The following F5 variants were observed in gnomAD, a reference collection of about 807,000 sequenced individuals.
F5 encodes coagulation factor V.
In F5, 138 loss-of-function variants were observed where a neutral mutation model predicts 216.4. The ratio of observed to expected loss-of-function variants is 0.64; its 90% CI spans 0.56 to 0.73. The LOEUF (loss-of-function observed/expected upper bound fraction) is 0.73, where lower values mean the gene tolerates loss of function less well. Among genes scored for constraint, F5 ranks in the 30% least tolerant of loss-of-function variants. The probability of loss-of-function intolerance (pLI) is 0.00; values close to 1 mark genes in which losing one functional copy is unlikely to be tolerated. For missense variants in F5, 2,403 were observed against 2,674.0 expected, an observed-to-expected ratio of 0.90 and a Z score of 2.24; for synonymous variants, 916 against 930.7, an observed-to-expected ratio of 0.98 and a Z score of 0.29.
chr1:169,585,486 TA>T (rs1447652946), intron 1 of F5, among the ~76,000 whole-genome samples: 1 of 152,230 alleles, frequency 6.6e-6, no homozygotes, highest in Non-Finnish European at 1.5e-5. Flanking sequence ...TGAGAAGTCT[TA>T]TTTTTAACAT....
chr1:169,556,052 A>T (rs1246031944), intron 6 of F5, among the ~76,000 whole-genome samples: 1 of 152,206 alleles, frequency 6.6e-6, no homozygotes, highest in African/African-American at 2.4e-5. Context: ...GTGTAGTAGA[A>T]CAATCAGTTA....
chr1:169,537,029 T>C (rs967382316), intron 13 of F5, among the ~76,000 whole-genome samples: 2 of 152,056 alleles, frequency 1.3e-5, no homozygotes, highest in Non-Finnish European at 2.9e-5. Context: ...ATATATAATT[T>C]ATTTGTGAGA....
At chr1:169,564,911 T>C (rs2236871) in intron 3 of F5, among the ~76,000 whole-genome samples, 36,632 of 151,988 alleles carry the variant, frequency 0.24, 5,326 homozygotes, top group South Asian at 0.36. Flanking sequence ...TGAGTAGGTA[T>C]ATCTAGATTT....
At chr1:169,530,031 CAAT>C (rs1209898263) in intron 15 of F5, among the ~76,000 whole-genome samples, 2 of 152,146 alleles carry the variant, frequency 1.3e-5, no homozygotes, top group East Asian at 3.9e-4. Flanking sequence ...ATCCCAGTAA[CAAT>C]GATGATAATA....
chr1:169,543,679 G>C (rs1270281404), intron 12 of F5, among the ~76,000 whole-genome samples: 1 of 152,218 alleles, frequency 6.6e-6, no homozygotes, highest in Admixed American at 6.5e-5. Context: ...GAACATCAAA[G>C]ATTTCTTGGT....
intron 4 of F5, among the ~76,000 whole-genome samples, chr1:169,559,987 T>G (rs1660431232): frequency 6.6e-6 from 1 of 152,178 alleles, no homozygotes; most frequent in Admixed American, 6.6e-5. Context: ...AAAGATGGGC[T>G]GGATTCTCAT....
rs770347100 is a variant in F5, at chr1:169,560,680, T to C, written c.460A>G (p.Ile154Val). 6 of 1,613,712 alleles carry C rather than the reference T, an allele frequency of 3.7e-6. No homozygotes were observed. Among genetic ancestry groups the C allele is most frequent in the Non-Finnish European group, 1.7e-6 (2 of 1,179,838 alleles). Residue 154 changes from isoleucine (I) to valine (V), a missense_variant, in exon 4 of 25, where the codon ATC (isoleucine) becomes GTC (valine). By Grantham distance (29) the Ile-to-Val change is conservative. This residue lies in a region of F5 where 1,425 missense variants were observed against 1,554.8 expected (regional missense o/e 0.92). Transcript: ENST00000367797. ...TGGGTGGGTCCACTGTCCTCACTGA[T>C]ACTCCATTCATAGGTGTATTCTCGG... ...PGREYTYEWSISEDSGPTHDD... is the reference protein window; with the variant it reads ...PGREYTYEWSVSEDSGPTHDD...
In F5 at chr1:169,586,250, C is replaced by A; in HGVS notation, c.137G>T (p.Arg46Leu). Residue 46 changes from arginine (R) to leucine (L), a missense_variant, in exon 1 of 25, where the codon CGA becomes CTA. By Grantham distance (102) the Arg-to-Leu change is moderately radical. Around this residue, in one of 4 missense-constraint regions of F5, gnomAD observed 1,425 missense variants for 1,554.8 expected, o/e 0.92. Coordinates refer to ENST00000367797, the MANE Select transcript of F5 (RefSeq NM_000130.5). ...TTACCTTGAGTTTGTGGGCTCAGGT[C>A]GGTAGCTCCAACTGATGCCCTGAGC... ...VAAQGISWSY[R>L]PEPTNSSLNL... is the part of the protein sequence containing the mutation. The A allele has an allele frequency of 1.2e-6, 2 of 1,614,166 alleles. No individual in the cohort carries two copies. Among genetic ancestry groups the A allele is most frequent in the East Asian group, 2.2e-5 (1 of 44,878 alleles).
chr1:169,560,798 G>T, intron 3 of F5, 32 bp from the exon 4 acceptor site: 1 of 1,604,760 alleles, frequency 6.2e-7, no homozygotes, highest in Non-Finnish European at 8.5e-7. Context: ...AGACATGTGG[G>T]CAGTTTCTGA....
rs1045165618 is a variant in F5 at position 169,563,440 on chromosome 1, A to G, written c.374-2674T>C. 2.0e-5 allele frequency among the ~76,000 whole-genome samples: 3 copies of G among 152,188 alleles called. No homozygotes were observed. In the South Asian group the frequency reaches 6.2e-4, roughly 32 times the overall value. ...CTGTTCCTGCTACTTCTGGGATCCA[A>G]TTACACATATGTTAGATCACTTGAT... On this transcript the variant is annotated intron_variant, in intron 3 of 24. Coordinates refer to ENST00000367797, the MANE Select transcript of F5 (RefSeq NM_000130.5).
intron 13 of F5, among the ~76,000 whole-genome samples, chr1:169,537,984 C>A (rs1449771093): frequency 6.6e-6 from 1 of 151,766 alleles, no homozygotes; most frequent in Non-Finnish European, 1.5e-5. Flanking sequence ...GGGTATATAC[C>A]CAAAGAAAAT....
Position 169,512,165 on chromosome 1 carries a change from G to C in F5, c.*2148C>G, listed in dbSNP as rs369159875. Among the ~76,000 whole-genome samples the C allele has an allele frequency of 1.3e-5, 2 of 151,998 alleles. No homozygotes were observed. Among genetic ancestry groups the C allele is most frequent in the East Asian group, 3.9e-4 (2 of 5,186 alleles). On this transcript the variant is annotated 3_prime_UTR_variant, in exon 25 of 25. Coordinates refer to ENST00000367797, the MANE Select transcript of F5 (RefSeq NM_000130.5). ...TTATGGAAGAGAAAGCAGACTAAAA[G>C]TCTAGGGATATGATCATTTGGTTTC... is the stretch of plus-strand genomic sequence containing the variant.
At chr1:169,547,607 C>T (rs1229076468) in intron 10 of F5, among the ~76,000 whole-genome samples, 2 of 152,152 alleles carry the variant, frequency 1.3e-5, no homozygotes, top group Non-Finnish European at 2.9e-5. Flanking sequence ...CATCACTGAT[C>T]ATTAGAGAAA....
At chr1:169,517,385 C>T (rs1011371788) in intron 23 of F5, among the ~76,000 whole-genome samples, 3 of 152,136 alleles carry the variant, frequency 2.0e-5, no homozygotes, top group African/African-American at 7.2e-5. Flanking sequence ...TGTGTGGAAT[C>T]CAATCTTTTC....
At position 169,513,872 on chromosome 1, in the gene F5, G is replaced by A. The variant is rs188490117; in HGVS notation, c.*441C>T. 1.0e-3 allele frequency among the ~76,000 whole-genome samples: 155 copies of A among 152,070 alleles called. 1 individual carries two copies. Among genetic ancestry groups the A allele is most frequent in the Non-Finnish European group, 2.0e-3 (133 of 67,934 alleles). ...AGTACTTATTTCATTTGATAATATT[G>A]TTTTTCTCTTCACTCAAGAAAAACC... On this transcript the variant is annotated 3_prime_UTR_variant, in exon 25 of 25. Transcript: ENST00000367797.
At chr1:169,571,242 T>C (rs1390925888) in intron 3 of F5, among the ~76,000 whole-genome samples, 1 of 152,142 alleles carries the variant, frequency 6.6e-6, no homozygotes, top group Non-Finnish European at 1.5e-5. Context: ...CAGCGGCTGA[T>C]ACAATAACTT....
chr1:169,529,884 T>A, intron 15 of F5, 66 bp from the exon 16 acceptor site: 1 of 1,350,570 alleles, frequency 7.4e-7, no homozygotes, highest in Non-Finnish European at 1.1e-6. Flanking sequence ...TGATAATCAC[T>A]CATCATATAG....
chr1:169,528,325 G>C (rs957868467), intron 16 of F5, among the ~76,000 whole-genome samples: 2 of 152,228 alleles, frequency 1.3e-5, no homozygotes, highest in African/African-American at 4.8e-5. Context: ...AAGGCAGGGG[G>C]AACTCCCTTT....
At chr1:169,573,351 A>G (rs1660772315) in intron 2 of F5, among the ~76,000 whole-genome samples, 1 of 152,190 alleles carries the variant, frequency 6.6e-6, no homozygotes, top group Admixed American at 6.5e-5. Context: ...AAAGTTCATC[A>G]TAGCTGCTGT....
Sources: gnomAD v4.1 joint callset for allele counts (sites outside exome capture counted in the v4.1 genomes callset) on GRCh38, gnomAD v4.1.1 for gene constraint, gnomAD v4.1.1 regional missense constraint, MANE v1.5 for transcripts, NCBI Gene and HGNC (gene_info 2026-07-23, HGNC 2026-07-21) for gene names.